DENND5B: variants seen among roughly 807,000 people sequenced by gnomAD.
DENND5B encodes DENN domain containing 5B.
DENND5B carries 34 observed loss-of-function variants against 140.6 expected under a neutral mutation model. That is an observed-to-expected ratio of 0.24 (90% CI 0.18 to 0.32). The LOEUF is 0.32. Ranked by LOEUF, DENND5B falls within the 10% of genes least tolerant of loss-of-function variation. The probability of loss-of-function intolerance (pLI) is 1.00; values close to 1 mark genes in which losing one functional copy is unlikely to be tolerated. For synonymous variants in DENND5B, 551 were observed against 562.1 expected, an observed-to-expected ratio of 0.98 and a Z score of 0.28; for missense variants, 1,142 against 1,560.2, an observed-to-expected ratio of 0.73 and a Z score of 4.52.
At chr12:31,417,974 T>C (rs191881171) in intron 11 of DENND5B, among the ~76,000 whole-genome samples, 30 of 152,324 alleles carry the variant, frequency 2.0e-4, no homozygotes, top group Admixed American at 1.9e-3. Flanking sequence ...TAAAGGAAGA[T>C]AGGGAACATT....
intron 17 of DENND5B, among the ~76,000 whole-genome samples, chr12:31,394,119 T>A (rs1461520627): frequency 6.6e-6 from 1 of 152,208 alleles, no homozygotes; most frequent in Non-Finnish European, 1.5e-5. Flanking sequence ...CTTTACCCAG[T>A]AGTTTTTGTT....
At chr12:31,488,002 C>G (rs918361291) in intron 2 of DENND5B, among the ~76,000 whole-genome samples, 4 of 151,052 alleles carry the variant, frequency 2.6e-5, no homozygotes, top group African/African-American at 9.9e-5. Flanking sequence ...GTCGCCCAGT[C>G]TGGTATGCAG....
intron 7 of DENND5B, among the ~76,000 whole-genome samples, chr12:31,434,443 G>A (rs793149): frequency 0.19 from 28,172 of 152,158 alleles, 2,921 homozygotes; most frequent in Non-Finnish European, 0.25. Flanking sequence ...GGCCGAAGAT[G>A]TAAGTTGCCT....
At chr12:31,574,936 CAT>C (rs562161377) in intron 1 of DENND5B, among the ~76,000 whole-genome samples, 166 of 152,322 alleles carry the variant, frequency 1.1e-3, no homozygotes, top group African/African-American at 3.5e-3. Context: ...CCTATTTTCA[CAT>C]AGTCACCTCA....
chr12:31,546,275 T>C (rs893263633), intron 1 of DENND5B, among the ~76,000 whole-genome samples: 10 of 152,192 alleles, frequency 6.6e-5, no homozygotes, highest in African/African-American at 2.4e-4. Context: ...GGTGTCGTTC[T>C]ATAACCATTT....
At chr12:31,583,607 G>A (rs899746542) in intron 1 of DENND5B, among the ~76,000 whole-genome samples, 2 of 152,120 alleles carry the variant, frequency 1.3e-5, no homozygotes, top group African/African-American at 4.8e-5. Flanking sequence ...AAACCTGGGA[G>A]GCAGAGGTTG....
intron 8 of DENND5B, among the ~76,000 whole-genome samples, chr12:31,431,077 T>TA (rs1255799626): frequency 6.6e-6 from 1 of 152,240 alleles, no homozygotes; most frequent in Non-Finnish European, 1.5e-5. Context: ...AATGCTTTTA[T>TA]AATACAGTCT....
chr12:31,457,790 T>C (rs1944841528), intron 4 of DENND5B, among the ~76,000 whole-genome samples: 1 of 152,034 alleles, frequency 6.6e-6, no homozygotes, highest in African/African-American at 2.4e-5. Flanking sequence ...CTTGGCTCAC[T>C]GCAAACTCCG....
intron 1 of DENND5B, among the ~76,000 whole-genome samples, chr12:31,544,919 C>G (rs1948807419): frequency 2.0e-5 from 3 of 151,568 alleles, no homozygotes; most frequent in Admixed American, 1.3e-4. Flanking sequence ...AGTTAACCAC[C>G]AAGAAATAGA....
At chr12:31,499,070 G>A (rs761979963) in intron 1 of DENND5B, among the ~76,000 whole-genome samples, 4 of 151,910 alleles carry the variant, frequency 2.6e-5, no homozygotes, top group Non-Finnish European at 5.9e-5. Flanking sequence ...GACTTTTGGG[G>A]ATGAGAGATG....
chr12:31,414,735 C>G (rs1942632384), intron 12 of DENND5B, among the ~76,000 whole-genome samples: 1 of 152,030 alleles, frequency 6.6e-6, no homozygotes, highest in African/African-American at 2.4e-5. Context: ...CGAGACCATC[C>G]TGGCTAACAT....
chr12:31,471,373 G>A (rs547583029), intron 3 of DENND5B, among the ~76,000 whole-genome samples: 2 of 152,104 alleles, frequency 1.3e-5, no homozygotes, highest in Admixed American at 1.3e-4. Flanking sequence ...GGAATGCAGT[G>A]GCATGATCTC....
Position 31,383,653 on chromosome 12 carries a change from T to G in DENND5B, c.*3950A>C, listed in dbSNP as rs956644751. On this transcript the variant is annotated 3_prime_UTR_variant, in exon 21 of 21. Transcript: ENST00000389082. ...AAGGTGGGGAGGGTTGGGAGGTTTT[T>G]GTCCTCAGTAGCCTGCTTTTTCCCA... 13 of 152,146 alleles carry G rather than the reference T, an allele frequency of 8.5e-5. No homozygotes were observed. Among genetic ancestry groups the G allele is most frequent in the Admixed American group, 4.6e-4 (7 of 15,252 alleles). 9.4% of individuals were successfully genotyped at this position (152,146 alleles called of 1,614,324 possible).
chr12:31,403,621 C>T (rs564631866), intron 14 of DENND5B, among the ~76,000 whole-genome samples: 26 of 143,056 alleles, frequency 1.8e-4, no homozygotes, highest in African/African-American at 5.9e-4. Context: ...AAAAAGAAAA[C>T]GGCTGGATGT....
intron 1 of DENND5B, among the ~76,000 whole-genome samples, chr12:31,589,513 A>G (rs1389835461): frequency 6.6e-6 from 1 of 152,188 alleles, no homozygotes. Flanking sequence ...GATAGCCAAG[A>G]CGTGGGTTGA....
At chr12:31,556,162 G>A (rs996194748) in intron 1 of DENND5B, among the ~76,000 whole-genome samples, 1 of 152,188 alleles carries the variant, frequency 6.6e-6, no homozygotes, top group South Asian at 2.1e-4. Context: ...AATGGGAGCT[G>A]TAGACTGGAG....
chr12:31,553,581 A>G (rs1390169983), intron 1 of DENND5B, among the ~76,000 whole-genome samples: 2 of 152,230 alleles, frequency 1.3e-5, no homozygotes, highest in South Asian at 4.1e-4. Context: ...TATTAGGTCC[A>G]CTTGGTGCAG....
intron 17 of DENND5B, among the ~76,000 whole-genome samples, chr12:31,395,034 GT>G (rs1398650086): frequency 6.6e-6 from 1 of 152,038 alleles, no homozygotes; most frequent in Admixed American, 6.5e-5. Context: ...ATCACTATCT[GT>G]TTATCCTTTC....
At position 31,446,242 on chromosome 12, in the gene DENND5B, G is replaced by A. The variant is rs539840041; in HGVS notation, c.1861+1296C>T. On this transcript the variant is annotated intron_variant, in intron 6 of 20. Coordinates refer to ENST00000389082, the MANE Select transcript of DENND5B (RefSeq NM_144973.4). Reference sequence around the variant, plus strand: ...TGGCTCACTGCAACCTCCGCCTCCCGGGTTCAAGTGATTCTTCTATGTCAG... The same window carrying A: ...TGGCTCACTGCAACCTCCGCCTCCCAGGTTCAAGTGATTCTTCTATGTCAG... 1.2e-4 allele frequency among the ~76,000 whole-genome samples: 18 copies of A among 151,974 alleles called. No individual in the cohort carries two copies. In the East Asian group the frequency reaches 3.0e-3, roughly 25 times the overall value.
Sources: gnomAD v4.1 joint callset for allele counts (sites outside exome capture counted in the v4.1 genomes callset) on GRCh38, gnomAD v4.1.1 for gene constraint, MANE v1.5 for transcripts, NCBI Gene and HGNC (gene_info 2026-07-23, HGNC 2026-07-21) for gene names.